LGSN: variants seen among roughly 807,000 people sequenced by gnomAD.
LGSN encodes the protein lengsin.
Under a neutral mutation model 19.5 loss-of-function variants are expected in LGSN, and 21 were observed. The observed-to-expected ratio is 1.07, with a 90% CI of 0.76 to 1.55. The LOEUF is 1.55. LGSN is among the 40% of genes most tolerant of loss of function. LGSN has a pLI of 0.00. For synonymous variants in LGSN, 257 were observed against 215.6 expected (o/e 1.19, Z -1.68); for missense variants, 673 against 608.5 (o/e 1.11, Z -1.12).
chr6:63,449,489 G>T, the LGSN span, among the ~76,000 whole-genome samples: 1 of 149,172 alleles, frequency 6.7e-6, no homozygotes. Flanking sequence ...AGGTTGCAGT[G>T]AGCCGAGATC....
At chr6:63,541,597 T>A in the LGSN span, among the ~76,000 whole-genome samples, 1 of 152,116 alleles carries the variant, frequency 6.6e-6, no homozygotes, top group African/African-American at 2.4e-5. Context: ...GAATATCAGA[T>A]TTTAGGACTG....
At chr6:63,426,764 C>T in the LGSN span, among the ~76,000 whole-genome samples, 1 of 151,998 alleles carries the variant, frequency 6.6e-6, no homozygotes, top group Non-Finnish European at 1.5e-5. Context: ...ATCAACCTGC[C>T]TTGGCCTCCT....
At chr6:63,289,317 C>T (rs1197974066) in intron 2 of LGSN, among the ~76,000 whole-genome samples, 5 of 152,282 alleles carry the variant, frequency 3.3e-5, no homozygotes, top group South Asian at 4.1e-4. Context: ...AATATGAGAA[C>T]GCTATCCAAT....
chr6:63,557,588 A>G, the LGSN span, among the ~76,000 whole-genome samples: 1 of 152,136 alleles, frequency 6.6e-6, no homozygotes, highest in Non-Finnish European at 1.5e-5. Flanking sequence ...ATATAAATTA[A>G]TACTAGGTTT....
chr6:63,477,925 T>G, the LGSN span, among the ~76,000 whole-genome samples: 2 of 151,778 alleles, frequency 1.3e-5, no homozygotes, highest in Non-Finnish European at 2.9e-5. Flanking sequence ...TCAATAAAAT[T>G]TTCCTTTCTC....
intron 1 of LGSN, among the ~76,000 whole-genome samples, chr6:63,296,999 GA>G (rs532498032): frequency 6.8e-4 from 97 of 143,026 alleles, no homozygotes; most frequent in African/African-American, 1.9e-3. Context: ...AGTTTCTTAA[GA>G]AAAAAAAAAA....
At chr6:63,335,820 A>G in the LGSN span, among the ~76,000 whole-genome samples, 1 of 152,226 alleles carries the variant, frequency 6.6e-6, no homozygotes, top group Non-Finnish European at 1.5e-5. Flanking sequence ...ACTATTGGGT[A>G]TTTATTCAAA....
At chr6:63,400,299 C>T in the LGSN span, among the ~76,000 whole-genome samples, 4 of 152,250 alleles carry the variant, frequency 2.6e-5, no homozygotes, top group South Asian at 4.1e-4. Context: ...TGGGCAGATG[C>T]ACTGTTAACA....
chr6:63,505,565 A>AAAAGAAAGAAAGAAAG, the LGSN span, among the ~76,000 whole-genome samples: 397 of 58,608 alleles, frequency 6.8e-3, 10 homozygotes, highest in South Asian at 8.1e-3. Flanking sequence ...AAAAAAAAAA[A>AAAAGAAAGAAAGAAAG]AAAGAAAGAA....
At chr6:63,475,857 A>C in the LGSN span, among the ~76,000 whole-genome samples, 1 of 152,156 alleles carries the variant, frequency 6.6e-6, no homozygotes, top group Non-Finnish European at 1.5e-5. Flanking sequence ...TCTGCCCTGG[A>C]ACCTACTGGG....
chr6:63,422,556 C>A, the LGSN span, among the ~76,000 whole-genome samples: 2 of 152,022 alleles, frequency 1.3e-5, no homozygotes, highest in Non-Finnish European at 2.9e-5. Flanking sequence ...AAAAGAGATA[C>A]CCATTTACCT....
chr6:63,355,681 TTTTTG>T, the LGSN span, among the ~76,000 whole-genome samples: 7 of 152,150 alleles, frequency 4.6e-5, no homozygotes, highest in Non-Finnish European at 1.0e-4. Flanking sequence ...GTACTCTGTC[TTTTTG>T]TTTTGTTTTG....
chr6:63,515,784 T>C, the LGSN span, among the ~76,000 whole-genome samples: 1 of 151,986 alleles, frequency 6.6e-6, no homozygotes, highest in African/African-American at 2.4e-5. Flanking sequence ...AACAACAAAT[T>C]AGGCTTTGTG....
chr6:63,363,808 T>A, the LGSN span, among the ~76,000 whole-genome samples: 5 of 152,270 alleles, frequency 3.3e-5, no homozygotes, highest in African/African-American at 1.2e-4. Context: ...TTCCCCAACC[T>A]AGCAAAGCAG....
At chr6:63,549,869 A>G in the LGSN span, among the ~76,000 whole-genome samples, 2 of 152,214 alleles carry the variant, frequency 1.3e-5, no homozygotes, top group Admixed American at 1.3e-4. Context: ...TTGCAACTAC[A>G]TAGGAATAAA....
At chr6:63,418,886 C>A in the LGSN span, among the ~76,000 whole-genome samples, 4 of 151,252 alleles carry the variant, frequency 2.6e-5, no homozygotes, top group African/African-American at 9.7e-5. Flanking sequence ...CCACCCCCAC[C>A]GTGCCAGCAA....
the LGSN span, among the ~76,000 whole-genome samples, chr6:63,366,821 C>G: frequency 9.2e-5 from 14 of 151,600 alleles, no homozygotes; most frequent in African/African-American, 2.7e-4. Flanking sequence ...ACAAACCTGA[C>G]GAAAACAAGC....
At chr6:63,547,155 G>GTTTACAGAAGTTTACAGA in the LGSN span, among the ~76,000 whole-genome samples, 1 of 151,548 alleles carries the variant, frequency 6.6e-6, no homozygotes, top group Non-Finnish European at 1.5e-5. Flanking sequence ...TGCCTTTCAG[G>GTTTACAGAAGTTTACAGA]AGTTCAGAAG....
At chr6:63,358,000 A>T in the LGSN span, among the ~76,000 whole-genome samples, 2 of 151,996 alleles carry the variant, frequency 1.3e-5, no homozygotes, top group Non-Finnish European at 2.9e-5. Context: ...ATCTTGAATT[A>T]ATTTTTGTAT....
Sources: gnomAD v4.1 joint callset for allele counts (sites outside exome capture counted in the v4.1 genomes callset) on GRCh38, gnomAD v4.1.1 for gene constraint, MANE v1.5 for transcripts, NCBI Gene and HGNC (gene_info 2026-07-23, HGNC 2026-07-21) for gene names.